UNC13C: variants seen among roughly 807,000 people sequenced by gnomAD.
UNC13C encodes protein unc-13 homolog C.
A neutral mutation model predicts 245.4 loss-of-function variants in UNC13C; 174 were observed. The ratio of observed to expected loss-of-function variants is 0.71; its 90% CI spans 0.63 to 0.80. The LOEUF (loss-of-function observed/expected upper bound fraction) is 0.80. UNC13C is among the 30% of genes least tolerant of loss of function. UNC13C has a pLI of 0.00. For missense variants in UNC13C, 2,829 were observed against 2,602.9 expected, an observed-to-expected ratio of 1.09 and a Z score of -1.89; for synonymous variants, 992 against 895.1, an observed-to-expected ratio of 1.11 and a Z score of -1.93.
chr15:54,338,540 T>G (rs2141005200), intron 17 of UNC13C, 51 bp downstream of exon 17: 1 of 1,596,622 alleles, frequency 6.3e-7, no homozygotes, highest in Admixed American at 1.7e-5. Context: ...TTCTAGTATC[T>G]GTTTCCATAA....
chr15:54,430,442 C>G (rs752924726), intron 19 of UNC13C, among the ~76,000 whole-genome samples: 21 of 151,560 alleles, frequency 1.4e-4, no homozygotes, highest in Non-Finnish European at 1.9e-4. Context: ...TTTTGCCTCT[C>G]ATTTATATGT....
chr15:54,362,998 A>G (rs545616768), intron 17 of UNC13C, among the ~76,000 whole-genome samples: 1 of 152,328 alleles, frequency 6.6e-6, no homozygotes, highest in South Asian at 2.1e-4. Flanking sequence ...CAAATAAAGA[A>G]AAGCCCCACA....
chr15:54,053,482 A>G (rs1002366598), intron 2 of UNC13C, among the ~76,000 whole-genome samples: 5 of 151,996 alleles, frequency 3.3e-5, no homozygotes, highest in African/African-American at 1.2e-4. Context: ...CTACCTATAT[A>G]TTTTTTAATT....
chr15:53,920,674 A>G, the UNC13C span, among the ~76,000 whole-genome samples: 1 of 151,978 alleles, frequency 6.6e-6, no homozygotes. Context: ...TAGCATTTGG[A>G]GGAGGTTACG....
chr15:54,110,102 A>G (rs1179640417), intron 2 of UNC13C, among the ~76,000 whole-genome samples: 1 of 152,066 alleles, frequency 6.6e-6, no homozygotes, highest in African/African-American at 2.4e-5. Context: ...ATATAGTGGA[A>G]CCCAGTCTCT....
chr15:53,925,965 C>T, the UNC13C span, among the ~76,000 whole-genome samples: 8 of 152,248 alleles, frequency 5.3e-5, no homozygotes, highest in East Asian at 9.7e-4. Context: ...AGAGCAACCA[C>T]GGATTTTGAT....
intron 30 of UNC13C, among the ~76,000 whole-genome samples, chr15:54,580,431 C>G (rs1328004349): frequency 6.6e-6 from 1 of 152,202 alleles, no homozygotes; most frequent in Non-Finnish European, 1.5e-5. Context: ...GTAAAACTCT[C>G]TGCTTATTTA....
intron 17 of UNC13C, among the ~76,000 whole-genome samples, chr15:54,355,151 G>A (rs2039066571): frequency 6.7e-6 from 1 of 148,234 alleles, no homozygotes. Flanking sequence ...CTCAGCCTCT[G>A]CAATTATAAG....
chr15:54,499,955 G>A, intron 20 of UNC13C, 124 bp from the exon 21 acceptor site: 1 of 743,924 alleles, frequency 1.3e-6, no homozygotes, highest in Non-Finnish European at 2.1e-6. Context: ...AAGCAAAACT[G>A]CAAGAGAGAA....
chr15:54,533,199 A>C (rs1895839710), intron 26 of UNC13C, 133 bp downstream of exon 26: 1 of 626,768 alleles, frequency 1.6e-6, no homozygotes, highest in East Asian at 3.2e-5. Context: ...GAATTCAAAG[A>C]TAAATAAATA....
intron 4 of UNC13C, among the ~76,000 whole-genome samples, chr15:54,206,592 C>A (rs923372339): frequency 2.0e-5 from 3 of 152,090 alleles, no homozygotes; most frequent in African/African-American, 7.2e-5. Flanking sequence ...CAAAACAGAT[C>A]ATCCTCACAG....
chr15:54,600,582 A>C (rs1015156549), intron 30 of UNC13C, among the ~76,000 whole-genome samples: 2 of 152,108 alleles, frequency 1.3e-5, no homozygotes, highest in African/African-American at 4.8e-5. Context: ...TCAGATGTGA[A>C]TACACATTAT....
chr15:54,601,932 C>A (rs1899455991), intron 30 of UNC13C, among the ~76,000 whole-genome samples: 1 of 152,160 alleles, frequency 6.6e-6, no homozygotes, highest in Admixed American at 6.5e-5. Context: ...TCTCTCCCAC[C>A]CACTGCCCCA....
At chr15:54,157,370 A>G (rs1428347114) in intron 4 of UNC13C, among the ~76,000 whole-genome samples, 1 of 152,236 alleles carries the variant, frequency 6.6e-6, no homozygotes, top group Non-Finnish European at 1.5e-5. Context: ...ACTGTGGATT[A>G]TACTCATAAT....
chr15:54,069,818 T>A (rs188654063), intron 2 of UNC13C, among the ~76,000 whole-genome samples: 1 of 152,222 alleles, frequency 6.6e-6, no homozygotes, highest in Non-Finnish European at 1.5e-5. Context: ...TGATTTTCTG[T>A]AGATAGTGAA....
the UNC13C span, among the ~76,000 whole-genome samples, chr15:53,955,156 A>G: frequency 1.3e-5 from 2 of 152,156 alleles, no homozygotes; most frequent in African/African-American, 4.8e-5. Context: ...TATCTAGATA[A>G]TATCTTCAAT....
intron 22 of UNC13C, among the ~76,000 whole-genome samples, chr15:54,504,252 A>G (rs1284605205): frequency 6.6e-6 from 1 of 152,204 alleles, no homozygotes; most frequent in Non-Finnish European, 1.5e-5. Flanking sequence ...TGCTGCAGAT[A>G]CTGTGGTAAA....
chr15:54,596,417 G>T (rs1032056599), intron 30 of UNC13C, among the ~76,000 whole-genome samples: 1 of 152,140 alleles, frequency 6.6e-6, no homozygotes, highest in Admixed American at 6.5e-5. Flanking sequence ...GGAATATAAA[G>T]AGTATAGCCA....
chr15:53,981,800 A>T (rs1261189047), intron 1 of UNC13C, among the ~76,000 whole-genome samples: 3 of 152,122 alleles, frequency 2.0e-5, no homozygotes, highest in African/African-American at 7.2e-5. Context: ...CTCTAGGTCA[A>T]AAGTCCCCCA....
Sources: allele counts gnomAD v4.1 joint callset (sites outside exome capture counted in the v4.1 genomes callset), GRCh38; gene constraint gnomAD v4.1.1; transcripts MANE v1.5; gene names NCBI Gene and HGNC (gene_info 2026-07-23, HGNC 2026-07-21).